The following ASCC1 variants were observed in gnomAD, a reference collection of about 807,000 sequenced individuals.
ASCC1 encodes activating signal cointegrator 1 complex subunit 1, also known as ASC-1 complex subunit P50.
Under a neutral mutation model 46.6 loss-of-function variants are expected in ASCC1, and 35 were observed. The ratio of observed to expected loss-of-function variants is 0.75; its 90% CI spans 0.57 to 0.99. The LOEUF (loss-of-function observed/expected upper bound fraction) is 0.99, where lower values mean the gene tolerates loss of function less well. Among genes scored for constraint, ASCC1 ranks in the 50% least tolerant of loss-of-function variants. The probability of loss-of-function intolerance (pLI) is 0.00; values close to 1 mark genes in which losing one functional copy is unlikely to be tolerated. For synonymous variants in ASCC1, 143 were observed against 146.6 expected, an observed-to-expected ratio of 0.98 and a Z score of 0.18; for missense variants, 376 against 428.7, an observed-to-expected ratio of 0.88 and a Z score of 1.09.
At chr10:72,185,433 G>T (rs192577533) in intron 5 of ASCC1, among the ~76,000 whole-genome samples, 11 of 152,216 alleles carry the variant, frequency 7.2e-5, no homozygotes, top group African/African-American at 2.4e-4. Context: ...GGGTTGAATG[G>T]ATAAAGTGGT....
intron 5 of ASCC1, among the ~76,000 whole-genome samples, chr10:72,188,916 C>T (rs4375366): frequency 6.6e-6 from 1 of 151,790 alleles, no homozygotes; most frequent in East Asian, 1.9e-4. Context: ...GCCACCACTG[C>T]GAGCTAATTT....
In ASCC1 at chr10:72,187,633, T is replaced by C. The variant is rs554470001; in HGVS notation, c.489+9178A>G. Among the ~76,000 whole-genome samples the C allele has an allele frequency of 4.2e-5, 6 of 141,868 alleles. No individual in the cohort carries two copies. In the South Asian group the frequency reaches 1.3e-3, roughly 31 times the overall value. The allele number at this position is 141,868 out of a possible 152,430, so 93.1% of individuals were successfully genotyped here. A position where few individuals can be genotyped will look rare whatever the true frequency, so the allele number is the denominator to read the frequency against. On this transcript the variant is annotated intron_variant, in intron 5 of 9. Transcript: ENST00000672957. ...TACTCGGGAAGCTGAGACAGGAGAA[T>C]GGCGAGAACCCGGGAGACGGAGCTT...
intron 6 of ASCC1, among the ~76,000 whole-genome samples, chr10:72,161,089 CAAAA>C (rs1291458944): frequency 7.4e-6 from 1 of 136,038 alleles, no homozygotes; most frequent in Admixed American, 7.5e-5. Flanking sequence ...TCTCAAAAAA[CAAAA>C]AAAAAGAAAG....
chr10:72,128,210 GGTT>G, intron 8 of ASCC1, 43 bp from the exon 9 acceptor site: 2 of 1,555,786 alleles, frequency 1.3e-6, no homozygotes, highest in Non-Finnish European at 1.8e-6. Flanking sequence ...TAGATTGATT[GGTT>G]GTTTTCTCTT....
chr10:72,136,288 A>G (rs984237901), intron 7 of ASCC1, among the ~76,000 whole-genome samples: 3 of 152,016 alleles, frequency 2.0e-5, no homozygotes, highest in African/African-American at 7.2e-5. Context: ...AAACGCACCA[A>G]TCAGCGCTCT....
At position 72,166,685 on chromosome 10, in the gene ASCC1, T is replaced by G. The variant is rs1850389230; in HGVS notation, c.490-5011A>C. Among the ~76,000 whole-genome samples the G allele has an allele frequency of 2.0e-5, 3 of 151,768 alleles. No individual in the cohort carries two copies. The South Asian group carries it at 6.3e-4, about 32-fold the overall frequency. On this transcript the variant is annotated intron_variant, in intron 5 of 9. Coordinates refer to ENST00000672957, the MANE Select transcript of ASCC1 (RefSeq NM_001198800.3). ...GAAAAATATTTGGGAGAAAAACATTTGCAAATCCTACATCTGATAAATATA... is the reference window on the plus strand; with the variant it reads ...GAAAAATATTTGGGAGAAAAACATTGGCAAATCCTACATCTGATAAATATA...
chr10:72,139,672 C>A (rs1263010751), intron 7 of ASCC1, among the ~76,000 whole-genome samples: 1 of 152,184 alleles, frequency 6.6e-6, no homozygotes, highest in East Asian at 1.9e-4. Context: ...AAAGCTCAAG[C>A]ATTCCAGGAC....
In ASCC1 at chr10:72,191,089, G is replaced by A. The variant is rs1485241400; in HGVS notation, c.489+5722C>T. The stretch of plus-strand genomic sequence containing the variant: ...TTCTTTTTTTTTGAGACAGAGTCTC[G>A]CTCTGTCGCCCAGGCTGGAGTGCAG... On this transcript the variant is annotated intron_variant, in intron 5 of 9. Transcript: ENST00000672957. 2.7e-5 allele frequency among the ~76,000 whole-genome samples: 4 copies of A among 148,822 alleles called. No individual in the cohort carries two copies. In the East Asian group the frequency reaches 6.0e-4, roughly 22 times the overall value.
At chr10:72,214,800 T>A (rs1858856974) in intron 1 of ASCC1, among the ~76,000 whole-genome samples, 1 of 152,040 alleles carries the variant, frequency 6.6e-6, no homozygotes, top group East Asian at 1.9e-4. Flanking sequence ...AACAATCAGT[T>A]CCAGTTGTCT....
chr10:72,182,541 C>G (rs1443499289), intron 5 of ASCC1, among the ~76,000 whole-genome samples: 1 of 147,094 alleles, frequency 6.8e-6, no homozygotes, highest in Non-Finnish European at 1.5e-5. Context: ...TTAACAACAA[C>G]AAAAAAAGGC....
intron 5 of ASCC1, among the ~76,000 whole-genome samples, chr10:72,177,458 G>C (rs1210769064): frequency 6.6e-6 from 1 of 152,204 alleles, no homozygotes; most frequent in Non-Finnish European, 1.5e-5. Flanking sequence ...GCCTGAGGGA[G>C]TTAGGGGGAT....
intron 9 of ASCC1, among the ~76,000 whole-genome samples, chr10:72,112,895 A>C (rs1202428340): frequency 2.0e-5 from 3 of 151,706 alleles, no homozygotes; most frequent in Non-Finnish European, 4.4e-5. Flanking sequence ...AAAAAAAAAA[A>C]AAAAAACCCC....
chr10:72,100,324 G>A (rs1019321907), intron 9 of ASCC1, among the ~76,000 whole-genome samples: 1 of 151,734 alleles, frequency 6.6e-6, no homozygotes, highest in Non-Finnish European at 1.5e-5. Flanking sequence ...TGCCTCCCGG[G>A]TTCAAGCTAT....
chr10:72,205,012 C>T (rs1056459458), intron 3 of ASCC1, among the ~76,000 whole-genome samples: 3 of 152,144 alleles, frequency 2.0e-5, no homozygotes, highest in Non-Finnish European at 4.4e-5. Flanking sequence ...TCAAACAAAC[C>T]TTGGAATTCA....
At chr10:72,157,036 G>A (rs1329507051) in intron 6 of ASCC1, among the ~76,000 whole-genome samples, 1 of 152,044 alleles carries the variant, frequency 6.6e-6, no homozygotes, top group African/African-American at 2.4e-5. Context: ...CAAACTCCTG[G>A]GCTCAAGCAA....
chr10:72,098,737 T>C (rs1003842963), intron 9 of ASCC1, among the ~76,000 whole-genome samples: 9 of 152,248 alleles, frequency 5.9e-5, no homozygotes, highest in Admixed American at 3.9e-4. Flanking sequence ...TATTGATTCT[T>C]CAACATGACA....
intron 9 of ASCC1, 22 bp downstream of exon 9, chr10:72,128,060 A>C (rs1260751994): frequency 1.3e-6 from 2 of 1,590,150 alleles, no homozygotes; most frequent in African/African-American, 1.3e-5. Flanking sequence ...AGGATTTCCA[A>C]TTCACTCTGC....
At chr10:72,139,363 C>T (rs547782475) in intron 7 of ASCC1, among the ~76,000 whole-genome samples, 2 of 152,228 alleles carry the variant, frequency 1.3e-5, no homozygotes, top group African/African-American at 2.4e-5. Context: ...ATCCACCCAA[C>T]CTTGGCCTCC....
chr10:72,134,692 A>G (rs1845987803), intron 7 of ASCC1, among the ~76,000 whole-genome samples: 1 of 152,330 alleles, frequency 6.6e-6, no homozygotes, highest in Non-Finnish European at 1.5e-5. Flanking sequence ...CCCTTATACC[A>G]GGGCATCTCA....
Sources: gnomAD v4.1 joint callset for allele counts (sites outside exome capture counted in the v4.1 genomes callset) on GRCh38, gnomAD v4.1.1 for gene constraint, MANE v1.5 for transcripts, NCBI Gene and HGNC (gene_info 2026-07-23, HGNC 2026-07-21) for gene names.